FREM2: variants seen among roughly 807,000 people sequenced by gnomAD.
FREM2 encodes the protein FRAS1-related extracellular matrix protein 2.
In FREM2, 119 loss-of-function variants were observed where a neutral mutation model predicts 219.9. That is an observed-to-expected ratio of 0.54 (90% CI 0.47 to 0.63). The LOEUF (loss-of-function observed/expected upper bound fraction) is 0.63. FREM2 is among the 30% of genes least tolerant of loss of function. FREM2 has a pLI of 0.00. For missense variants in FREM2, 4,030 were observed against 3,993.6 expected (o/e 1.01, Z -0.25); for synonymous variants, 1,562 against 1,522.8 (o/e 1.03, Z -0.60).
rs1335187560 is a variant in FREM2 at position 38,688,289 on chromosome 13, C to A, written c.945C>A (p.Asn315Lys). ...TGAGGATCCGAGGAGGGGCCGAGAA[C>A]ACTGCACCCAAGCCCAGTTTCGTGG... ...VLVRIRGGAE[N>K]TAPKPSFVAM... The change falls in exon 1 of 24, where the codon AAC (asparagine) becomes AAA (lysine). Residue 315 changes from asparagine (N) to lysine (K), a missense_variant. By Grantham distance (94) the Asn-to-Lys change is moderately conservative. Transcript: ENST00000280481. 6.2e-7 allele frequency: 1 copy of A among 1,614,132 alleles called. No homozygotes were observed. The highest frequency in any genetic ancestry group is 8.5e-7 in the Non-Finnish European group (1 of 1,180,032).
At position 38,753,145 on chromosome 13, in the gene FREM2, A is replaced by AT. The variant is rs1221536247; in HGVS notation, c.5264-11153dup. On this transcript the variant is annotated intron_variant, in intron 2 of 23. Coordinates refer to ENST00000280481, the MANE Select transcript of FREM2 (RefSeq NM_207361.6). Reference sequence around the variant, plus strand: ...AAACTTAACTCTTGGTAAAGCAGTTATTTTTTCTATAACAATATAGTATTT... The same window carrying AT: ...AAACTTAACTCTTGGTAAAGCAGTTATTTTTTTCTATAACAATATAGTATTT... Among the ~76,000 whole-genome samples the AT allele has an allele frequency of 5.3e-5, 8 of 152,206 alleles. No individual in the cohort carries two copies. The South Asian group carries it at 1.2e-3, about 24-fold the overall frequency.
chr13:38,690,738 G>T lies in FREM2; in HGVS notation c.3394G>T (p.Ala1132Ser), dbSNP rs1384662071. Residue 1132 changes from alanine (A) to serine (S), a missense_variant, in exon 1 of 24, where the codon GCC becomes TCC. Coordinates refer to ENST00000280481, the MANE Select transcript of FREM2 (RefSeq NM_207361.6). The part of the protein sequence containing the change: ...PGSEKSRAGI[A>S]ISAFNLKDLR... The stretch of plus-strand genomic sequence containing the variant: ...CTCTGAGAAATCAAGAGCAGGGATT[G>T]CCATAAGTGCTTTCAACTTGAAAGA... 1 of 1,613,988 alleles carries T rather than the reference G, an allele frequency of 6.2e-7. No homozygotes were observed. Among genetic ancestry groups the T allele is most frequent in the East Asian group, 2.2e-5 (1 of 44,886 alleles).
At chr13:38,714,404 C>T (rs988953355) in intron 2 of FREM2, among the ~76,000 whole-genome samples, 1 of 152,108 alleles carries the variant, frequency 6.6e-6, no homozygotes, top group Non-Finnish European at 1.5e-5. Flanking sequence ...TCAATTGTAT[C>T]CTGTCACATT....
chr13:38,758,584 C>T (rs1873108740), intron 2 of FREM2, among the ~76,000 whole-genome samples: 1 of 152,188 alleles, frequency 6.6e-6, no homozygotes, highest in Non-Finnish European at 1.5e-5. Context: ...TCGGCTTCAG[C>T]TCTGCACCAG....
In FREM2 at chr13:38,690,809, G is replaced by T; in HGVS notation, c.3465G>T (p.Gly1155=). 6.2e-7 allele frequency: 1 copy of T among 1,614,144 alleles called. No individual in the cohort carries two copies. Among genetic ancestry groups the T allele is most frequent in the Non-Finnish European group, 8.5e-7 (1 of 1,180,028 alleles). The change falls in exon 1 of 24, where the codon GGG becomes GGT. Residue 1155 remains glycine (G), a synonymous_variant. Transcript: ENST00000280481. The stretch of plus-strand genomic sequence containing the variant: ...ACTATGTCCAGAGTGTCCATAAAGG[G>T]GTGGAACCTGTGGAGGACCGATTTG... ...HINYVQSVHK[G]VEPVEDRFVF...
intron 2 of FREM2, among the ~76,000 whole-genome samples, chr13:38,710,372 T>A (rs1174120075): frequency 6.6e-6 from 1 of 152,198 alleles, no homozygotes; most frequent in Admixed American, 6.5e-5. Flanking sequence ...TTCACTGGAA[T>A]GCAAAGTTTA....
intron 6 of FREM2, among the ~76,000 whole-genome samples, chr13:38,785,371 A>G (rs1874284973): frequency 6.6e-6 from 1 of 152,204 alleles, no homozygotes; most frequent in Non-Finnish European, 1.5e-5. Context: ...GAGCAAAAGG[A>G]TCTTAATCTC....
chr13:38,770,518 C>A (rs1016962906), intron 4 of FREM2, among the ~76,000 whole-genome samples: 1 of 152,080 alleles, frequency 6.6e-6, no homozygotes, highest in African/African-American at 2.4e-5. Flanking sequence ...ATCTTTGAAA[C>A]AAACGGTTTG....
chr13:38,796,640 T>A (rs1452233503), intron 6 of FREM2, among the ~76,000 whole-genome samples: 1 of 152,198 alleles, frequency 6.6e-6, no homozygotes, highest in Non-Finnish European at 1.5e-5. Flanking sequence ...AATTCATAAG[T>A]ATACATGATA....
At chr13:38,734,232 G>A (rs1378671163) in intron 2 of FREM2, among the ~76,000 whole-genome samples, 1 of 151,928 alleles carries the variant, frequency 6.6e-6, no homozygotes, top group Non-Finnish European at 1.5e-5. Context: ...AAAATAACAT[G>A]TGTTACCCTA....
intron 13 of FREM2, among the ~76,000 whole-genome samples, 186 bp downstream of exon 13, chr13:38,858,219 A>G (rs1036378362): frequency 7.9e-5 from 12 of 152,244 alleles, no homozygotes; most frequent in South Asian, 4.1e-4. Flanking sequence ...TTCACCGAAC[A>G]AAGGTTCATT....
At chr13:38,702,594 T>C (rs992150168) in intron 2 of FREM2, among the ~76,000 whole-genome samples, 2 of 152,026 alleles carry the variant, frequency 1.3e-5, no homozygotes, top group African/African-American at 2.4e-5. Flanking sequence ...TGTTTCTTGA[T>C]GGGCTTGAGA....
At chr13:38,803,368 A>G (rs1224102773) in intron 6 of FREM2, among the ~76,000 whole-genome samples, 1 of 152,148 alleles carries the variant, frequency 6.6e-6, no homozygotes, top group Non-Finnish European at 1.5e-5. Flanking sequence ...GGGCGCTAGA[A>G]GTACAGGAAC....
At chr13:38,802,744 C>T (rs911842560) in intron 6 of FREM2, among the ~76,000 whole-genome samples, 2 of 152,228 alleles carry the variant, frequency 1.3e-5, no homozygotes, top group Non-Finnish European at 2.9e-5. Context: ...CTGTGGTACT[C>T]AGCGTAAGTT....
chr13:38,793,804 T>C (rs1226499226), intron 6 of FREM2, among the ~76,000 whole-genome samples: 2 of 152,122 alleles, frequency 1.3e-5, no homozygotes, highest in Non-Finnish European at 2.9e-5. Flanking sequence ...GAGATAGTGC[T>C]GAGGAAGAAT....
intron 11 of FREM2, among the ~76,000 whole-genome samples, chr13:38,854,690 A>G (rs1877490836): frequency 6.6e-6 from 1 of 152,174 alleles, no homozygotes. Context: ...GCTCATTATG[A>G]TATGTGAAGG....
chr13:38,840,189 C>G (rs1379529909), intron 6 of FREM2, among the ~76,000 whole-genome samples: 1 of 152,048 alleles, frequency 6.6e-6, no homozygotes, highest in East Asian at 1.9e-4. Context: ...TCCCTCATGG[C>G]TTCCCTTGGC....
intron 4 of FREM2, among the ~76,000 whole-genome samples, chr13:38,777,045 T>C (rs1015507658): frequency 6.6e-6 from 1 of 151,820 alleles, no homozygotes; most frequent in African/African-American, 2.4e-5. Context: ...ATATATTATA[T>C]TCCATATACA....
chr13:38,816,411 T>C lies in FREM2; in HGVS notation c.6020-30162T>C, dbSNP rs114531219. Among the ~76,000 whole-genome samples the C allele has an allele frequency of 6.4e-3, 972 of 152,284 alleles. 10 individuals are homozygous for C. Among genetic ancestry groups the C allele is most frequent in the African/African-American group, 0.022 (923 of 41,560 alleles). ...GGTCAAGTGGAGTTTATTCCAGAGA[T>C]GCATGGATGGTTTAACATTTGCAAA... is the stretch of plus-strand genomic sequence containing the variant. On this transcript the variant is annotated intron_variant, in intron 6 of 23. Transcript: ENST00000280481.
Sources: gnomAD v4.1 joint callset for allele counts (sites outside exome capture counted in the v4.1 genomes callset) on GRCh38, gnomAD v4.1.1 for gene constraint, MANE v1.5 for transcripts, NCBI Gene and HGNC (gene_info 2026-07-23, HGNC 2026-07-21) for gene names.